The following FBN3 variants were observed in gnomAD, a reference collection of about 807,000 sequenced individuals.
FBN3 encodes fibrillin-3.
A neutral mutation model predicts 330.1 loss-of-function variants in FBN3; 234 were observed. The observed-to-expected ratio is 0.71, with a 90% CI of 0.64 to 0.79. The LOEUF (loss-of-function observed/expected upper bound fraction) is 0.79. FBN3 is among the 30% of genes least tolerant of loss of function. The pLI is 0.00. For synonymous variants in FBN3, 1,458 were observed against 1,517.3 expected (o/e 0.96, Z 0.91); for missense variants, 3,606 against 3,886.9 (o/e 0.93, Z 1.92).
rs4527136 is a variant in FBN3 at position 8,121,635 on chromosome 19, A to G, written c.3083-249T>C. Among the ~76,000 whole-genome samples, 101,204 of 151,754 alleles carry G rather than the reference A, an allele frequency of 0.67. 34,982 individuals carry two copies. Among genetic ancestry groups the G allele is most frequent in the African/African-American group, 0.85 (34,989 of 41,394 alleles). On this transcript the variant is annotated intron_variant, in intron 24 of 63. Transcript: ENST00000600128. The surrounding 1 kb of genome is among the most constrained non-coding windows in gnomAD (Gnocchi z 4.5). The stretch of plus-strand genomic sequence containing the variant: ...GGAGCCGAGGAAATGGAGGAACCCC[A>G]AACTAAACATGACAAGGGCAGGCAG...
At chr19:8,116,598 C>T in intron 29 of FBN3, 76 bp downstream of exon 29, 1 of 1,500,002 alleles carries the variant, frequency 6.7e-7, no homozygotes, top group South Asian at 1.2e-5. Context: ...CTATGTGCCA[C>T]CTTGTGGAAG....
intron 5 of FBN3, 123 bp downstream of exon 5, chr19:8,145,720 T>C: frequency 1.8e-6 from 1 of 557,554 alleles, no homozygotes; most frequent in Non-Finnish European, 3.1e-6. Context: ...GCAATAAACG[T>C]CCCCTGCAAT....
intron 63 of FBN3, among the ~76,000 whole-genome samples, chr19:8,067,548 G>A (rs2081420420): frequency 6.6e-6 from 1 of 152,060 alleles, no homozygotes; most frequent in Non-Finnish European, 1.5e-5. Flanking sequence ...GATGTGGGAG[G>A]TCCCAGGAGT....
intron 59 of FBN3, among the ~76,000 whole-genome samples, chr19:8,080,659 C>T (rs949863525): frequency 6.6e-6 from 1 of 152,128 alleles, no homozygotes; most frequent in Non-Finnish European, 1.5e-5. Flanking sequence ...GCTCTTGTTG[C>T]CCAGGCTGGA....
chr19:8,130,322 G>A (rs1341446856), intron 16 of FBN3, among the ~76,000 whole-genome samples: 2 of 145,274 alleles, frequency 1.4e-5, no homozygotes, highest in Non-Finnish European at 3.0e-5. Flanking sequence ...GGGCAACATG[G>A]CAAAATCTCA....
intron 55 of FBN3, 122 bp from the exon 56 acceptor site, chr19:8,085,691 A>T: frequency 1.4e-6 from 1 of 703,452 alleles, no homozygotes; most frequent in South Asian, 2.0e-5. Flanking sequence ...TCCAGGAGGG[A>T]GTTGGATACA....
rs1226594731 is a variant in FBN3, at chr19:8,109,273, G to A, written c.4572C>T (p.Gly1524=). ...VTRASCCCSL[G]RAWGNPCELC... is the part of the protein sequence containing the mutation. Reference sequence around the variant, plus strand: ...GCTCACAGGGATTGCCCCAAGCCCGGCCCAGGGAGCAACAGCAGGAAGCTC... The same window carrying A: ...GCTCACAGGGATTGCCCCAAGCCCGACCCAGGGAGCAACAGCAGGAAGCTC... The change falls in exon 36 of 64, where the codon GGC becomes GGT. Residue 1524 remains glycine (G), a synonymous_variant. Transcript: ENST00000600128. The surrounding 1 kb of genome is among the most constrained non-coding windows in gnomAD (Gnocchi z 5.2). The A allele has an allele frequency of 1.2e-6, 2 of 1,614,028 alleles. No homozygotes were observed. Among genetic ancestry groups the A allele is most frequent in the African/African-American group, 2.7e-5 (2 of 74,904 alleles).
Position 8,131,190 on chromosome 19 carries a change from T to TG in FBN3, c.2044+44_2044+45insC, listed in dbSNP as rs1418663822. 1.0e-5 allele frequency: 16 copies of TG among 1,576,574 alleles called. No individual in the cohort carries two copies. The highest frequency in any genetic ancestry group is 1.8e-5 in the Admixed American group (1 of 54,096). On this transcript the variant is annotated intron_variant, in intron 16 of 63. Coordinates refer to ENST00000600128, the MANE Select transcript of FBN3 (RefSeq NM_032447.5). The surrounding 1 kb of genome is among the most constrained non-coding windows in gnomAD (Gnocchi z 4.5). ...CCACCACAGCTCTCCCCACATCTGG[T>TG]AGGGGCAGGCTGGCTGCTGTTTGGA...
intron 59 of FBN3, among the ~76,000 whole-genome samples, chr19:8,077,281 C>A (rs1386911579): frequency 6.6e-6 from 1 of 152,188 alleles, no homozygotes; most frequent in Non-Finnish European, 1.5e-5. Flanking sequence ...GGTGGAAAAT[C>A]CTGCTTTTAG....
chr19:8,075,197 CAT>C lies in FBN3; in HGVS notation c.7583-9_7583-8del. ...CCATCACATTCATTCACATCTGAGA[CAT>C]AGAGAGAGGGAGAGAGGGTTTACCA... On this transcript the variant is annotated splice_region_variant and splice_polypyrimidine_tract_variant and intron_variant, in intron 60 of 63. Coordinates refer to ENST00000600128, the MANE Select transcript of FBN3 (RefSeq NM_032447.5). 1 of 1,569,490 alleles carries C rather than the reference CAT, an allele frequency of 6.4e-7. No homozygotes were observed. Among genetic ancestry groups the C allele is most frequent in the Non-Finnish European group, 8.7e-7 (1 of 1,153,770 alleles).
chr19:8,116,585 T>C, intron 29 of FBN3, 89 bp downstream of exon 29: 2 of 1,400,250 alleles, frequency 1.4e-6, no homozygotes, highest in Non-Finnish European at 2.0e-6. Flanking sequence ...GCATTTTTCA[T>C]GCCTATGTGC....
In FBN3 at chr19:8,131,304, C is replaced by T. The variant is rs1414499646; in HGVS notation, c.1991-16G>A. The T allele has an allele frequency of 6.2e-6, 10 of 1,611,064 alleles. No individual in the cohort carries two copies. Among genetic ancestry groups the T allele is most frequent in the Non-Finnish European group, 8.5e-6 (10 of 1,179,260 alleles). Reference sequence around the variant, plus strand: ...TGGAACTCAGCTGGGGATGGAGGGACAGAGTGAGACGGGTCAGGGAGCTTA... The same window carrying T: ...TGGAACTCAGCTGGGGATGGAGGGATAGAGTGAGACGGGTCAGGGAGCTTA... On this transcript the variant is annotated splice_polypyrimidine_tract_variant and intron_variant, in intron 15 of 63. Transcript: ENST00000600128. The surrounding 1 kb of genome is among the most constrained non-coding windows in gnomAD (Gnocchi z 4.5).
At chr19:8,127,059 GTTT>G (rs869282535) in intron 18 of FBN3, among the ~76,000 whole-genome samples, 26 of 103,878 alleles carry the variant, frequency 2.5e-4, no homozygotes, top group African/African-American at 8.9e-4. Context: ...TTTTTTTTTT[GTTT>G]TTTTTTTTTT....
chr19:8,072,354 C>T lies in FBN3; in HGVS notation c.7938-156G>A, dbSNP rs546769276. Among the ~76,000 whole-genome samples the T allele has an allele frequency of 4.6e-5, 7 of 152,262 alleles. No homozygotes were observed. In the South Asian group the frequency reaches 6.2e-4, roughly 14 times the overall value. ...ATGTGCTGGTGTGGCTCCGTGTGCA[C>T]GAGTGTGTGTGCACCACATAAGGGT... On this transcript the variant is annotated intron_variant, in intron 62 of 63. Coordinates refer to ENST00000600128, the MANE Select transcript of FBN3 (RefSeq NM_032447.5).
At position 8,102,714 on chromosome 19, in the gene FBN3, G is replaced by A. The variant is rs1187900097; in HGVS notation, c.5089+10C>T. 5 of 1,607,820 alleles carry A rather than the reference G, an allele frequency of 3.1e-6. No individual in the cohort carries two copies. Among genetic ancestry groups the A allele is most frequent in the Non-Finnish European group, 4.3e-6 (5 of 1,175,518 alleles). On this transcript the variant is annotated intron_variant, in intron 40 of 63. Transcript: ENST00000600128. The stretch of plus-strand genomic sequence containing the variant: ...CCAGGCTGGGAAGAAGGTTGGGGAG[G>A]GTTACTCACGACTGATGGGAGTGGG...
intron 16 of FBN3, among the ~76,000 whole-genome samples, chr19:8,130,659 G>GAAAAGAAAA (rs2083121374): frequency 2.7e-5 from 1 of 37,260 alleles, no homozygotes; most frequent in African/African-American, 1.4e-4. Flanking sequence ...GGAAAGGAAA[G>GAAAAGAAAA]GAAAAGAAAA....
intron 8 of FBN3, among the ~76,000 whole-genome samples, chr19:8,139,341 C>T (rs967573241): frequency 3.9e-5 from 6 of 152,056 alleles, no homozygotes; most frequent in South Asian, 2.1e-4. Context: ...ACCAAGATTC[C>T]GCCTCAAAAA....
Position 8,086,339 on chromosome 19 carries a change from G to A in FBN3, c.6755-14C>T, listed in dbSNP as rs201996479. The stretch of plus-strand genomic sequence containing the variant: ...ATTCATTGTCATCTGAGATGGGAGG[G>A]GTGAGGCAGGTGGGCGGGGAGGCCA... On this transcript the variant is annotated splice_polypyrimidine_tract_variant and intron_variant, in intron 54 of 63. Transcript: ENST00000600128. The A allele has an allele frequency of 5.2e-4, 827 of 1,584,776 alleles. 2 individuals are homozygous for A. The highest frequency in any genetic ancestry group is 6.3e-4 in the Non-Finnish European group (734 of 1,161,240).
intron 56 of FBN3, 28 bp downstream of exon 56, chr19:8,085,335 T>C (rs1190692064): frequency 3.2e-6 from 5 of 1,545,590 alleles, no homozygotes; most frequent in African/African-American, 1.4e-5. Flanking sequence ...CTTGCCTCCC[T>C]GGGGGTCCTG....
Sources: allele counts gnomAD v4.1 joint callset (sites outside exome capture counted in the v4.1 genomes callset), GRCh38; gene constraint gnomAD v4.1.1; non-coding constraint Gnocchi (gnomAD v3.1); transcripts MANE v1.5; gene names NCBI Gene and HGNC (gene_info 2026-07-23, HGNC 2026-07-21).